Variants in ANKS1B observed in about 807,000 individuals in gnomAD.
ANKS1B encodes ankyrin repeat and sterile alpha motif domain-containing protein 1B.
In ANKS1B, 36 loss-of-function variants were observed where a neutral mutation model predicts 148.3. The ratio of observed to expected loss-of-function variants is 0.24; its 90% CI spans 0.19 to 0.32. The LOEUF is 0.32. Ranked by LOEUF, ANKS1B falls within the 10% of genes least tolerant of loss-of-function variation. ANKS1B has a pLI of 1.00. For missense variants in ANKS1B, 1,157 were observed against 1,542.6 expected, an observed-to-expected ratio of 0.75 and a Z score of 4.19; for synonymous variants, 542 against 560.8, an observed-to-expected ratio of 0.97 and a Z score of 0.47.
At chr12:98,752,167 T>C (rs1370726516) in intron 25 of ANKS1B, among the ~76,000 whole-genome samples, 1 of 152,200 alleles carries the variant, frequency 6.6e-6, no homozygotes, top group African/African-American at 2.4e-5. Context: ...TGATGTCTCA[T>C]GCCTCCCTAA....
At chr12:99,144,038 T>C (rs2072024238) in intron 15 of ANKS1B, among the ~76,000 whole-genome samples, 1 of 152,166 alleles carries the variant, frequency 6.6e-6, no homozygotes, top group Non-Finnish European at 1.5e-5. Context: ...TAATACTACA[T>C]ACTGTGTAAC....
intron 1 of ANKS1B, among the ~76,000 whole-genome samples, chr12:99,957,930 G>C (rs749852571): frequency 2.6e-5 from 4 of 152,190 alleles, no homozygotes; most frequent in Non-Finnish European, 4.4e-5. Flanking sequence ...CACTTTCAAA[G>C]ATAACTAAAC....
At chr12:99,682,930 T>C (rs28782520) in intron 8 of ANKS1B, among the ~76,000 whole-genome samples, 1 of 150,338 alleles carries the variant, frequency 6.7e-6, no homozygotes, top group Non-Finnish European at 1.5e-5. Context: ...TATTAAAAAA[T>C]AAAAAAAAAG....
intron 9 of ANKS1B, among the ~76,000 whole-genome samples, chr12:99,538,070 T>G (rs2097090821): frequency 6.6e-6 from 1 of 152,080 alleles, no homozygotes; most frequent in Non-Finnish European, 1.5e-5. Flanking sequence ...TCACTCTAGG[T>G]GTGTTTATTT....
Position 99,274,097 on chromosome 12 carries a change from T to C in ANKS1B, c.1757-27233A>G, listed in dbSNP as rs1448281627. ...TTAGGTCTTCTGTCATCTGAAAGTT[T>C]CTATGAGTCACTATATTTGATCTTT... On this transcript the variant is annotated intron_variant, in intron 12 of 26. Transcript: ENST00000683438. 2.6e-5 allele frequency among the ~76,000 whole-genome samples: 4 copies of C among 152,072 alleles called. No individual in the cohort carries two copies. In the East Asian group the frequency reaches 7.8e-4, roughly 29 times the overall value.
chr12:98,743,988 T>C lies in ANKS1B; in HGVS notation c.*1751A>G, dbSNP rs1377737772. On this transcript the variant is annotated 3_prime_UTR_variant, in exon 27 of 27. Transcript: ENST00000683438. ...CCAAGCACCACTGCTGTACAACTTC[T>C]GTTTTATTTTTGTGTGCTTTTTTTA... is the stretch of plus-strand genomic sequence containing the variant. 1 of 982,988 alleles carries C rather than the reference T, an allele frequency of 1.0e-6. No individual in the cohort carries two copies. Among genetic ancestry groups the C allele is most frequent in the Non-Finnish European group, 1.2e-6 (1 of 827,822 alleles). 60.9% of individuals were successfully genotyped at this position (982,988 alleles called of 1,614,324 possible).
intron 11 of ANKS1B, among the ~76,000 whole-genome samples, chr12:99,426,716 G>C (rs1442447763): frequency 6.6e-6 from 1 of 152,106 alleles, no homozygotes; most frequent in Non-Finnish European, 1.5e-5. Context: ...AAAATTATGT[G>C]AAAGTACACA....
chr12:99,056,958 CTT>C (rs572813549), intron 16 of ANKS1B, among the ~76,000 whole-genome samples: 1 of 152,152 alleles, frequency 6.6e-6, no homozygotes, highest in African/African-American at 2.4e-5. Flanking sequence ...CTCTCTTCCT[CTT>C]TTTTTCCATT....
At chr12:99,733,712 C>T (rs1163953782) in intron 8 of ANKS1B, among the ~76,000 whole-genome samples, 2 of 152,162 alleles carry the variant, frequency 1.3e-5, no homozygotes, top group African/African-American at 4.8e-5. Flanking sequence ...CTAATACTCA[C>T]CCAATGCACT....
At chr12:99,165,867 T>C (rs1421273288) in intron 14 of ANKS1B, among the ~76,000 whole-genome samples, 2 of 151,858 alleles carry the variant, frequency 1.3e-5, no homozygotes, top group African/African-American at 4.8e-5. Flanking sequence ...TAAACATAGA[T>C]GTAAAAATTC....
chr12:99,563,783 A>G (rs947713356), intron 9 of ANKS1B, among the ~76,000 whole-genome samples: 2 of 152,144 alleles, frequency 1.3e-5, no homozygotes, highest in Non-Finnish European at 2.9e-5. Flanking sequence ...AATAAGGTAA[A>G]TAAAGTGCAA....
At chr12:99,894,840 ATAGGCTTTGTGT>A (rs1244278829) in intron 1 of ANKS1B, among the ~76,000 whole-genome samples, 1 of 150,182 alleles carries the variant, frequency 6.7e-6, no homozygotes, top group African/African-American at 2.4e-5. Flanking sequence ...TTATTATAAA[ATAGGCTTTGTGT>A]TAGATGATTT....
chr12:98,937,340 C>T (rs994366042), intron 17 of ANKS1B, among the ~76,000 whole-genome samples: 4 of 151,730 alleles, frequency 2.6e-5, no homozygotes, highest in East Asian at 3.9e-4. Flanking sequence ...ATAAAAATGT[C>T]GAGGGCCTGG....
chr12:99,275,109 T>C (rs557785462), intron 12 of ANKS1B, among the ~76,000 whole-genome samples: 1 of 152,330 alleles, frequency 6.6e-6, no homozygotes, highest in Admixed American at 6.5e-5. Flanking sequence ...AAATGAAACA[T>C]TGTGATACAG....
intron 9 of ANKS1B, among the ~76,000 whole-genome samples, chr12:99,600,412 T>G (rs148540507): frequency 6.6e-6 from 1 of 152,024 alleles, no homozygotes. Flanking sequence ...AGGACTTTTA[T>G]GCCGCTGCGA....
intron 17 of ANKS1B, among the ~76,000 whole-genome samples, chr12:98,995,912 A>G (rs780742246): frequency 2.0e-5 from 3 of 152,200 alleles, no homozygotes; most frequent in Non-Finnish European, 4.4e-5. Flanking sequence ...GGAGCGAGAA[A>G]GAGCTTCACA....
intron 17 of ANKS1B, among the ~76,000 whole-genome samples, chr12:98,933,840 T>C (rs1452641184): frequency 1.3e-5 from 2 of 152,108 alleles, no homozygotes; most frequent in Non-Finnish European, 2.9e-5. Context: ...AAAAAAATCA[T>C]GTTACTAGGT....
intron 14 of ANKS1B, among the ~76,000 whole-genome samples, chr12:99,229,494 A>T (rs958651576): frequency 1.3e-5 from 2 of 151,970 alleles, no homozygotes; most frequent in Admixed American, 1.3e-4. Context: ...ACTCCCTGGA[A>T]GTTTACACTT....
At chr12:99,334,613 T>C (rs1183272057) in intron 12 of ANKS1B, among the ~76,000 whole-genome samples, 1 of 152,090 alleles carries the variant, frequency 6.6e-6, no homozygotes, top group East Asian at 1.9e-4. Flanking sequence ...TGAAAAAGCA[T>C]GCAATCTCAA....
Sources: gnomAD v4.1 joint callset for allele counts (sites outside exome capture counted in the v4.1 genomes callset) on GRCh38, gnomAD v4.1.1 for gene constraint, MANE v1.5 for transcripts, NCBI Gene and HGNC (gene_info 2026-07-23, HGNC 2026-07-21) for gene names.